Variants in PDE1C observed in about 807,000 individuals in gnomAD.
PDE1C encodes phosphodiesterase 1C, also known as dual specificity calcium/calmodulin-dependent 3',5'-cyclic nucleotide phosphodiesterase 1C.
Under a neutral mutation model 93.1 loss-of-function variants are expected in PDE1C, and 62 were observed. The observed-to-expected ratio is 0.67, with a 90% CI of 0.54 to 0.82. The LOEUF (loss-of-function observed/expected upper bound fraction) is 0.82, where lower values mean the gene tolerates loss of function less well. Ranked by LOEUF, PDE1C falls within the 40% of genes least tolerant of loss-of-function variation. PDE1C has a pLI of 0.00. For missense variants in PDE1C, 742 were observed against 884.6 expected, an observed-to-expected ratio of 0.84 and a Z score of 2.04; for synonymous variants, 325 against 310.1, an observed-to-expected ratio of 1.05 and a Z score of -0.50.
chr7:32,354,688 G>A (rs931145020), intron 1 of PDE1C, among the ~76,000 whole-genome samples: 1 of 152,168 alleles, frequency 6.6e-6, no homozygotes, highest in African/African-American at 2.4e-5. Flanking sequence ...TTCTGCCTAG[G>A]AATTGAGAGA....
At chr7:32,369,198 G>T (rs1470407769) in intron 1 of PDE1C, among the ~76,000 whole-genome samples, 1 of 152,034 alleles carries the variant, frequency 6.6e-6, no homozygotes, top group East Asian at 1.9e-4. Flanking sequence ...TCAACAGAGG[G>T]AAAACAACCT....
intron 2 of PDE1C, among the ~76,000 whole-genome samples, chr7:31,939,087 T>C (rs1805473844): frequency 6.6e-6 from 1 of 152,174 alleles, no homozygotes; most frequent in Admixed American, 6.5e-5. Flanking sequence ...AATTTTAATT[T>C]AAAATTATTA....
At chr7:32,240,831 G>A (rs1257736746) in intron 1 of PDE1C, among the ~76,000 whole-genome samples, 3 of 152,146 alleles carry the variant, frequency 2.0e-5, no homozygotes, top group African/African-American at 2.4e-5. Flanking sequence ...AGACCACTTG[G>A]GAGGCTAATA....
At chr7:32,052,797 T>A (rs1372087188) in intron 1 of PDE1C, among the ~76,000 whole-genome samples, 2 of 152,176 alleles carry the variant, frequency 1.3e-5, no homozygotes. Flanking sequence ...CAGTGTGGTC[T>A]TGACTAGATA....
the PDE1C span, among the ~76,000 whole-genome samples, chr7:31,738,210 A>G: frequency 9.7e-4 from 147 of 152,318 alleles, no homozygotes; most frequent in Non-Finnish European, 1.7e-3. Flanking sequence ...CCCAATCTCA[A>G]TGGAATCAGG....
intron 2 of PDE1C, among the ~76,000 whole-genome samples, chr7:31,930,848 C>CAAAAAAAAAA (rs56394903): frequency 0.013 from 428 of 32,644 alleles, 91 homozygotes; most frequent in African/African-American, 0.053. Context: ...GACTCTGTCT[C>CAAAAAAAAAA]AAAAAAAAAA....
chr7:31,619,956 T>C, the PDE1C span, among the ~76,000 whole-genome samples: 23 of 152,274 alleles, frequency 1.5e-4, no homozygotes, highest in Admixed American at 4.6e-4. Flanking sequence ...GGAGACTATA[T>C]CCCGCACCTG....
rs369225718 is a variant in PDE1C, at chr7:31,998,101, T to G, written c.128+53453A>C. 6.4e-4 allele frequency among the ~76,000 whole-genome samples: 97 copies of G among 152,176 alleles called. 1 individual carries two copies. In the East Asian group the frequency reaches 0.015, roughly 23 times the overall value. On this transcript the variant is annotated intron_variant, in intron 2 of 17. Coordinates refer to ENST00000396191, the MANE Select transcript of PDE1C (RefSeq NM_001191057.4). Reference sequence around the variant, plus strand: ...GTGGCGCAATCTTGGCTCACTGCAATCTCTGCCTCCTGTGTTCACACCATT... The same window carrying G: ...GTGGCGCAATCTTGGCTCACTGCAAGCTCTGCCTCCTGTGTTCACACCATT...
At chr7:32,164,913 C>T (rs1436332433) in intron 3 of PDE1C, among the ~76,000 whole-genome samples, 1 of 152,138 alleles carries the variant, frequency 6.6e-6, no homozygotes, top group Non-Finnish European at 1.5e-5. Flanking sequence ...AATTTATTCT[C>T]TATTCTCTTT....
rs1026329231 is a variant in PDE1C, at chr7:31,867,743, G to T, written c.610-2661C>A. 2.0e-5 allele frequency among the ~76,000 whole-genome samples: 3 copies of T among 152,162 alleles called. No homozygotes were observed. In the South Asian group the frequency reaches 6.2e-4, roughly 32 times the overall value. Reference sequence around the variant, plus strand: ...TGGAAGCCCAAGAATCAGGCCTCTTGGATCTGCTAACACCAGTGCAAGTGT... The same window carrying T: ...TGGAAGCCCAAGAATCAGGCCTCTTTGATCTGCTAACACCAGTGCAAGTGT... On this transcript the variant is annotated intron_variant, in intron 6 of 17. Coordinates refer to ENST00000396191, the MANE Select transcript of PDE1C (RefSeq NM_001191057.4).
intron 3 of PDE1C, among the ~76,000 whole-genome samples, chr7:32,141,568 C>G (rs538011726): frequency 2.0e-5 from 3 of 152,086 alleles, no homozygotes; most frequent in African/African-American, 7.2e-5. Flanking sequence ...ATCAACAAAC[C>G]CAAACAGAGA....
the PDE1C span, among the ~76,000 whole-genome samples, chr7:31,646,484 A>G: frequency 6.6e-6 from 1 of 152,188 alleles, no homozygotes; most frequent in African/African-American, 2.4e-5. Flanking sequence ...ACAGGAACCC[A>G]GAGCCAGATT....
intron 1 of PDE1C, among the ~76,000 whole-genome samples, chr7:32,233,896 G>A (rs1291353595): frequency 6.6e-6 from 1 of 151,880 alleles, no homozygotes; most frequent in East Asian, 1.9e-4. Context: ...ACTAAATCAT[G>A]GGTCATAAAA....
At chr7:31,626,545 T>C in the PDE1C span, among the ~76,000 whole-genome samples, 2 of 152,236 alleles carry the variant, frequency 1.3e-5, no homozygotes, top group Non-Finnish European at 2.9e-5. Context: ...TGGATACAAC[T>C]GTTTAATTTT....
the PDE1C span, among the ~76,000 whole-genome samples, chr7:31,705,394 A>C: frequency 1.3e-5 from 2 of 152,142 alleles, no homozygotes; most frequent in Non-Finnish European, 2.9e-5. Context: ...AGCTAACTCT[A>C]TGTTCTCCTG....
intron 3 of PDE1C, among the ~76,000 whole-genome samples, chr7:31,879,534 C>A (rs532541271): frequency 1.3e-5 from 2 of 152,230 alleles, no homozygotes; most frequent in African/African-American, 2.4e-5. Context: ...GACCATGTGA[C>A]GTTATTTTGT....
intron 3 of PDE1C, among the ~76,000 whole-genome samples, chr7:32,094,988 C>T (rs1287962396): frequency 1.3e-5 from 2 of 152,152 alleles, no homozygotes; most frequent in Admixed American, 6.5e-5. Context: ...CCTCCTTGTG[C>T]CCTCTCCCAG....
chr7:32,077,148 G>A (rs1796403730), intron 3 of PDE1C, among the ~76,000 whole-genome samples: 2 of 152,078 alleles, frequency 1.3e-5, no homozygotes, highest in Non-Finnish European at 2.9e-5. Context: ...GCTGAGGCAG[G>A]AGAATCACTT....
chr7:32,148,252 G>A (rs1308124369), intron 3 of PDE1C, among the ~76,000 whole-genome samples: 1 of 151,844 alleles, frequency 6.6e-6, no homozygotes, highest in Non-Finnish European at 1.5e-5. Context: ...TTTTCTAGTG[G>A]CCACATTTTA....
Sources: gnomAD v4.1 joint callset for allele counts (sites outside exome capture counted in the v4.1 genomes callset) on GRCh38, gnomAD v4.1.1 for gene constraint, MANE v1.5 for transcripts, NCBI Gene and HGNC (gene_info 2026-07-23, HGNC 2026-07-21) for gene names.